RASAL2: variants seen among roughly 807,000 people sequenced by gnomAD.
The protein encoded by RASAL2 is RAS protein activator like 2, also known as ras GTPase-activating protein nGAP.
RASAL2 carries 58 observed loss-of-function variants against 128.9 expected under a neutral mutation model. The observed-to-expected ratio is 0.45, with a 90% CI of 0.36 to 0.56. The LOEUF (loss-of-function observed/expected upper bound fraction) is 0.56. Ranked by LOEUF, RASAL2 falls within the 20% of genes least tolerant of loss-of-function variation. The probability of loss-of-function intolerance (pLI) is 0.00; values close to 1 mark genes in which losing one functional copy is unlikely to be tolerated. For synonymous variants in RASAL2, 561 were observed against 580.8 expected (o/e 0.97, Z 0.49); for missense variants, 1,360 against 1,601.6 (o/e 0.85, Z 2.57).
chr1:178,108,243 ATCT>A (rs1659170312), intron 1 of RASAL2, among the ~76,000 whole-genome samples: 1 of 152,158 alleles, frequency 6.6e-6, no homozygotes, highest in African/African-American at 2.4e-5. Context: ...CCATTTGTAT[ATCT>A]TCTTTGGAGA....
At chr1:178,296,145 A>G (rs571823897) in intron 2 of RASAL2, among the ~76,000 whole-genome samples, 1 of 127,914 alleles carries the variant, frequency 7.8e-6, no homozygotes, top group African/African-American at 4.8e-5. Context: ...ATGTGTGTGT[A>G]TATATGTGTA....
intron 1 of RASAL2, among the ~76,000 whole-genome samples, chr1:178,281,971 A>G (rs1465048714): frequency 6.6e-6 from 1 of 152,158 alleles, no homozygotes; most frequent in Non-Finnish European, 1.5e-5. Flanking sequence ...TCAGAAGAAA[A>G]CTTTGGAAGA....
chr1:178,293,620 G>C (rs1214997898), intron 2 of RASAL2, among the ~76,000 whole-genome samples: 1 of 152,140 alleles, frequency 6.6e-6, no homozygotes, highest in Non-Finnish European at 1.5e-5. Context: ...AAACAAAAAA[G>C]TCATATACTT....
chr1:178,249,290 G>T (rs1474286810), intron 1 of RASAL2, among the ~76,000 whole-genome samples: 1 of 151,490 alleles, frequency 6.6e-6, no homozygotes, highest in African/African-American at 2.4e-5. Flanking sequence ...TCATTAAGTT[G>T]TTCTTCAATC....
At chr1:178,346,824 A>G (rs920447836) in intron 3 of RASAL2, among the ~76,000 whole-genome samples, 30 of 152,230 alleles carry the variant, frequency 2.0e-4, no homozygotes, top group Admixed American at 6.5e-5. Context: ...ATTACAAGGA[A>G]TGAAAACTAG....
In RASAL2 at chr1:178,327,230, A is replaced by G. The variant is rs79224578; in HGVS notation, c.457+27112A>G. On this transcript the variant is annotated intron_variant, in intron 3 of 17. Coordinates refer to ENST00000367649, the MANE Select transcript of RASAL2 (RefSeq NM_170692.4). The stretch of plus-strand genomic sequence containing the variant: ...GTATTTCCTAATATTCATTTAGATT[A>G]TAAGTAACATTCTTCAGGCTATAAA... Among the ~76,000 whole-genome samples the G allele has an allele frequency of 2.2e-3, 328 of 152,342 alleles. 1 individual carries two copies. Among genetic ancestry groups the G allele is most frequent in the Non-Finnish European group, 3.9e-3 (262 of 68,034 alleles).
At chr1:178,435,910 C>G (rs1227519152) in intron 5 of RASAL2, among the ~76,000 whole-genome samples, 2 of 152,022 alleles carry the variant, frequency 1.3e-5, no homozygotes, top group Non-Finnish European at 1.5e-5. Context: ...AGGCCATTGT[C>G]AGATTGGACT....
intron 1 of RASAL2, among the ~76,000 whole-genome samples, chr1:178,161,685 C>T (rs1661301517): frequency 6.6e-6 from 1 of 152,040 alleles, no homozygotes; most frequent in African/African-American, 2.4e-5. Flanking sequence ...TGATGAACTG[C>T]CAAATCCACC....
At chr1:178,341,608 G>C (rs762224183) in intron 3 of RASAL2, 3 of 1,613,876 alleles carry the variant, frequency 1.9e-6, no homozygotes, top group African/African-American at 1.3e-5. Flanking sequence ...GCAGACCCCA[G>C]GTAAGAGTTT....
chr1:178,434,757 T>C (rs555522101), intron 5 of RASAL2, among the ~76,000 whole-genome samples: 1 of 152,104 alleles, frequency 6.6e-6, no homozygotes, highest in East Asian at 1.9e-4. Flanking sequence ...ATTTCTTTTT[T>C]TTTTTAATCC....
chr1:178,110,775 A>G (rs193135380), intron 1 of RASAL2, among the ~76,000 whole-genome samples: 1 of 151,624 alleles, frequency 6.6e-6, no homozygotes, highest in African/African-American at 2.4e-5. Context: ...TTTAGTAGAG[A>G]TGGGGTTTCA....
chr1:178,319,672 A>G (rs6425470), intron 3 of RASAL2, among the ~76,000 whole-genome samples: 31,296 of 142,252 alleles, frequency 0.22, 5,653 homozygotes, highest in African/African-American at 0.51. Flanking sequence ...TCTCTGTATT[A>G]GTTATTCTAG....
At chr1:178,378,138 G>A (rs1239770855) in intron 3 of RASAL2, among the ~76,000 whole-genome samples, 1 of 151,368 alleles carries the variant, frequency 6.6e-6, no homozygotes, top group Non-Finnish European at 1.5e-5. Context: ...TTGTCAGACT[G>A]GATTTTTTTT....
At chr1:178,426,601 A>G (rs1675530374) in intron 5 of RASAL2, among the ~76,000 whole-genome samples, 1 of 152,136 alleles carries the variant, frequency 6.6e-6, no homozygotes, top group Non-Finnish European at 1.5e-5. Flanking sequence ...TCTGAATGCT[A>G]AGGTTTAAAA....
chr1:178,218,247 A>C (rs369062537), intron 1 of RASAL2, among the ~76,000 whole-genome samples: 1 of 152,224 alleles, frequency 6.6e-6, no homozygotes, highest in African/African-American at 2.4e-5. Context: ...TATGGATGTC[A>C]TGTTAGGAGG....
rs950441148 is a variant in RASAL2, at chr1:178,356,549, T to C, written c.458-33551T>C. ...ACACACAGCAACATTAATAAATCTT[T>C]AAAATATAATATTTAGTAAATCAAA... On this transcript the variant is annotated intron_variant, in intron 3 of 17. Transcript: ENST00000367649. Among the ~76,000 whole-genome samples the C allele has an allele frequency of 7.9e-5, 12 of 152,166 alleles. 1 individual carries two copies. Among genetic ancestry groups the C allele is most frequent in the Admixed American group, 2.6e-4 (4 of 15,276 alleles).
chr1:178,468,199 CAAAT>C (rs1459860916), intron 17 of RASAL2, among the ~76,000 whole-genome samples: 1 of 152,134 alleles, frequency 6.6e-6, no homozygotes, highest in Non-Finnish European at 1.5e-5. Flanking sequence ...TAGGGTGAAA[CAAAT>C]AACAAAAAGC....
chr1:178,235,094 C>A (rs1031095199), intron 1 of RASAL2, among the ~76,000 whole-genome samples: 1 of 152,066 alleles, frequency 6.6e-6, no homozygotes, highest in Admixed American at 6.5e-5. Flanking sequence ...TATTAACATT[C>A]CATTAAAATT....
chr1:178,280,059 A>G (rs1265557656), intron 1 of RASAL2, among the ~76,000 whole-genome samples: 1 of 152,176 alleles, frequency 6.6e-6, no homozygotes, highest in Admixed American at 6.5e-5. Context: ...ACAGAATACG[A>G]AAAGTTCATT....
Sources: gnomAD v4.1 joint callset for allele counts (sites outside exome capture counted in the v4.1 genomes callset) on GRCh38, gnomAD v4.1.1 for gene constraint, MANE v1.5 for transcripts, NCBI Gene and HGNC (gene_info 2026-07-23, HGNC 2026-07-21) for gene names.